CCR5AS: variants seen among roughly 807,000 people sequenced by gnomAD.
CCR5AS encodes CCR5 antisense RNA.
chr3:46,373,048 T>A lies in CCR5AS; in HGVS notation n.392-1631A>T, dbSNP rs774482480. The A allele has an allele frequency of 2.5e-6, 4 of 1,614,208 alleles. No individual in the cohort carries two copies. In the East Asian group the frequency reaches 8.9e-5, roughly 36 times the overall value. Reference sequence around the variant, plus strand: ...TTCATCTTTGGTTTTGTGGGCAACATGCTGGTCATCCTCATCCTGATAAAC... The same window carrying A: ...TTCATCTTTGGTTTTGTGGGCAACAAGCTGGTCATCCTCATCCTGATAAAC... On this transcript the variant is annotated intron_variant and non_coding_transcript_variant, in intron 2 of 3. Transcript: ENST00000451485.
intron 3 of CCR5AS, chr3:46,365,165 A>G (rs1701587726): frequency 6.6e-6 from 1 of 152,308 alleles, no homozygotes; most frequent in Non-Finnish European, 1.5e-5. Context: ...GTAAAATGCT[A>G]TCAAATAGCA....
intron 2 of CCR5AS, among the ~76,000 whole-genome samples, chr3:46,389,111 G>A (rs573468523): frequency 1.5e-4 from 22 of 148,786 alleles, no homozygotes; most frequent in East Asian, 6.1e-4. Flanking sequence ...GGGTGACTGC[G>A]TAGAGCTCTG....
intron 2 of CCR5AS, among the ~76,000 whole-genome samples, chr3:46,376,593 T>A (rs995898193): frequency 1.3e-5 from 2 of 152,214 alleles, no homozygotes; most frequent in Non-Finnish European, 2.9e-5. Context: ...ATATGCAACG[T>A]CATGGCCTGG....
intron 1 of CCR5AS, among the ~76,000 whole-genome samples, chr3:46,405,421 C>T (rs1270804231): frequency 6.6e-6 from 1 of 152,110 alleles, no homozygotes; most frequent in African/African-American, 2.4e-5. Flanking sequence ...TGTGCGTACT[C>T]CCAGCGTTTT....
intron 1 of CCR5AS, among the ~76,000 whole-genome samples, chr3:46,396,884 C>G (rs1278451704): frequency 6.6e-6 from 1 of 152,214 alleles, no homozygotes; most frequent in African/African-American, 2.4e-5. Flanking sequence ...TCCCAGGAAT[C>G]CAGCCTAAAA....
intron 3 of CCR5AS, among the ~76,000 whole-genome samples, chr3:46,366,702 C>T (rs1044376170): frequency 3.3e-5 from 5 of 152,154 alleles, no homozygotes; most frequent in Non-Finnish European, 7.3e-5. Context: ...AACCCACCCA[C>T]GATGATAGGT....
At chr3:46,384,115 G>A (rs371693395) in intron 2 of CCR5AS, among the ~76,000 whole-genome samples, 6 of 152,340 alleles carry the variant, frequency 3.9e-5, no homozygotes, top group African/African-American at 1.2e-4. Context: ...CAGAGAGAGG[G>A]GCACCTGAGT....
intron 2 of CCR5AS, among the ~76,000 whole-genome samples, chr3:46,386,860 T>C (rs1224621247): frequency 6.6e-6 from 1 of 152,222 alleles, no homozygotes; most frequent in African/African-American, 2.4e-5. Flanking sequence ...TTAGACTCTT[T>C]TTAAAATAAT....
chr3:46,377,299 C>T (rs1463782939), intron 2 of CCR5AS, among the ~76,000 whole-genome samples: 1 of 152,180 alleles, frequency 6.6e-6, no homozygotes, highest in East Asian at 1.9e-4. Context: ...AGTTTCAACT[C>T]ACGACCTTCA....
At position 46,404,297 on chromosome 3, in the gene CCR5AS, TTCTC is replaced by T. The variant is rs149336611; in HGVS notation, n.163+2596_163+2599del. ...TAGTGCCCATCTTCTCAGCAAGGCT[TTCTC>T]TCTCTCTCTCTCTCTCTCTCTCTCT... On this transcript the variant is annotated intron_variant and non_coding_transcript_variant, in intron 1 of 3. Coordinates refer to ENST00000451485, the Ensembl canonical transcript of CCR5AS. Among the ~76,000 whole-genome samples, 409 of 71,098 alleles carry T rather than the reference TTCTC, an allele frequency of 5.8e-3. 2 individuals carry two copies. The highest frequency in any genetic ancestry group is 8.7e-3 in the Admixed American group (52 of 6,010). The allele number at this position is 71,098 out of a possible 152,430, so 46.6% of individuals were successfully genotyped here. A position where few individuals can be genotyped will look rare whatever the true frequency, so the allele number is the denominator to read the frequency against.
chr3:46,405,928 CAG>C (rs1200802381), intron 1 of CCR5AS, among the ~76,000 whole-genome samples: 1 of 151,498 alleles, frequency 6.6e-6, no homozygotes, highest in East Asian at 1.9e-4. Context: ...GGCCAGAGTG[CAG>C]AGTGGCATGA....
At chr3:46,369,237 C>G (rs551859885) in intron 3 of CCR5AS, among the ~76,000 whole-genome samples, 1 of 152,256 alleles carries the variant, frequency 6.6e-6, no homozygotes, top group East Asian at 1.9e-4. Flanking sequence ...AACTAAGGCA[C>G]AGAGCTTCAA....
chr3:46,384,056 G>T (rs1701837406), intron 2 of CCR5AS, among the ~76,000 whole-genome samples: 3 of 152,190 alleles, frequency 2.0e-5, no homozygotes, highest in African/African-American at 7.2e-5. Context: ...TAAGAGCAGA[G>T]GTTTAATAGG....
intron 3 of CCR5AS, chr3:46,370,862 A>G (rs1408972204): frequency 6.6e-6 from 1 of 152,194 alleles, no homozygotes; most frequent in African/African-American, 2.4e-5. Context: ...ACACTTAATG[A>G]TTTAACTCCA....
chr3:46,384,855 TGATAGATAGATA>T (rs72247341), intron 2 of CCR5AS, among the ~76,000 whole-genome samples: 47,645 of 143,796 alleles, frequency 0.33, 8,522 homozygotes, highest in Middle Eastern at 0.4. Context: ...GGTACATAGA[TGATAGATAGATA>T]GATAGATAGA....
At chr3:46,379,830 G>T (rs764258770) in intron 2 of CCR5AS, among the ~76,000 whole-genome samples, 4 of 152,078 alleles carry the variant, frequency 2.6e-5, no homozygotes, top group Non-Finnish European at 5.9e-5. Flanking sequence ...CTGGGAGGTG[G>T]AAGTTGCAGT....
At chr3:46,373,183 G>A (rs1428504170) in intron 2 of CCR5AS, 2 of 1,614,026 alleles carry the variant, frequency 1.2e-6, no homozygotes, top group Non-Finnish European at 1.7e-6. Flanking sequence ...GCCGCCCAGT[G>A]GGACTTTGGA....
At position 46,383,163 on chromosome 3, in the gene CCR5AS, A is replaced by G. The variant is rs535368683; in HGVS notation, n.391+9662T>C. On this transcript the variant is annotated intron_variant and non_coding_transcript_variant, in intron 2 of 3. Coordinates refer to ENST00000451485, the Ensembl canonical transcript of CCR5AS. Reference sequence around the variant, plus strand: ...CAGAGTCAGCCAGGGGCTCATGGGTATGAAATCAACAGCATGATTTTGTAA... The same window carrying G: ...CAGAGTCAGCCAGGGGCTCATGGGTGTGAAATCAACAGCATGATTTTGTAA... Among the ~76,000 whole-genome samples, 17 of 152,368 alleles carry G rather than the reference A, an allele frequency of 1.1e-4. 1 individual carries two copies. In the South Asian group the frequency reaches 2.5e-3, roughly 22 times the overall value.
chr3:46,371,927 C>T (rs2254089), intron 2 of CCR5AS, among the ~76,000 whole-genome samples: 45,661 of 151,932 alleles, frequency 0.3, 7,809 homozygotes, highest in East Asian at 0.56. Flanking sequence ...ATTCTCTTTT[C>T]GAGGACTGAG....
Sources: allele counts gnomAD v4.1 joint callset (sites outside exome capture counted in the v4.1 genomes callset), GRCh38; gene constraint gnomAD v4.1.1; transcripts MANE v1.5; gene names NCBI Gene and HGNC (gene_info 2026-07-23, HGNC 2026-07-21).